Variants in EDIL3 observed in about 807,000 individuals in gnomAD.
The protein encoded by EDIL3 is EGF like and discoidin domains 3.
Under a neutral mutation model 67.4 loss-of-function variants are expected in EDIL3, and 37 were observed. The observed-to-expected ratio is 0.55, with a 90% CI of 0.42 to 0.72. EDIL3 has a LOEUF of 0.72. EDIL3 is among the 30% of genes least tolerant of loss of function. The probability of loss-of-function intolerance (pLI) is 0.00; values close to 1 mark genes in which losing one functional copy is unlikely to be tolerated. For synonymous variants in EDIL3, 195 were observed against 196.3 expected, an observed-to-expected ratio of 0.99 and a Z score of 0.05; for missense variants, 527 against 586.3, an observed-to-expected ratio of 0.90 and a Z score of 1.04.
chr5:84,076,548 T>C (rs148497108), intron 6 of EDIL3, among the ~76,000 whole-genome samples: 23 of 152,304 alleles, frequency 1.5e-4, no homozygotes, highest in East Asian at 7.7e-4. Flanking sequence ...CCGAGCTACG[T>C]AGATTTTCTA....
chr5:84,379,705 G>A (rs183722471), intron 1 of EDIL3, among the ~76,000 whole-genome samples: 1 of 152,052 alleles, frequency 6.6e-6, no homozygotes, highest in Non-Finnish European at 1.5e-5. Context: ...GTGTGCACTT[G>A]AATGTCTGTG....
intron 3 of EDIL3, among the ~76,000 whole-genome samples, chr5:84,210,607 A>T (rs1744100015): frequency 6.6e-6 from 1 of 152,298 alleles, no homozygotes; most frequent in Non-Finnish European, 1.5e-5. Context: ...ATAAGTTTAA[A>T]GTAATATAAA....
intron 4 of EDIL3, among the ~76,000 whole-genome samples, chr5:84,164,628 C>A (rs1326403045): frequency 6.6e-6 from 1 of 151,972 alleles, no homozygotes; most frequent in Non-Finnish European, 1.5e-5. Flanking sequence ...GGTAGTCAAA[C>A]CATAAACAAG....
At chr5:84,034,826 T>C (rs998382363) in intron 9 of EDIL3, among the ~76,000 whole-genome samples, 2 of 152,176 alleles carry the variant, frequency 1.3e-5, no homozygotes, top group Non-Finnish European at 2.9e-5. Flanking sequence ...TTTGGTATTT[T>C]ACCTCCTCAC....
At chr5:84,300,080 T>C (rs1746125918) in intron 1 of EDIL3, among the ~76,000 whole-genome samples, 1 of 152,230 alleles carries the variant, frequency 6.6e-6, no homozygotes. Context: ...TCTATAGGCT[T>C]GACGTTTGGC....
At chr5:84,241,148 G>A (rs1210679508) in intron 2 of EDIL3, among the ~76,000 whole-genome samples, 1 of 152,092 alleles carries the variant, frequency 6.6e-6, no homozygotes, top group African/African-American at 2.4e-5. Flanking sequence ...AATGATTACT[G>A]ATATGCCTGT....
At chr5:84,282,826 C>T (rs1049798225) in intron 1 of EDIL3, among the ~76,000 whole-genome samples, 8 of 151,996 alleles carry the variant, frequency 5.3e-5, no homozygotes, top group Non-Finnish European at 8.8e-5. Context: ...TTCTGTTCAG[C>T]TTTCTTTTTT....
chr5:83,948,423 T>C (rs1744352350), intron 10 of EDIL3, among the ~76,000 whole-genome samples: 1 of 151,730 alleles, frequency 6.6e-6, no homozygotes, highest in South Asian at 2.1e-4. Context: ...TTATGAAAAT[T>C]TTCACGGAAT....
At chr5:84,294,318 G>C (rs1194476868) in intron 1 of EDIL3, among the ~76,000 whole-genome samples, 2 of 148,302 alleles carry the variant, frequency 1.3e-5, no homozygotes, top group East Asian at 4.0e-4. Flanking sequence ...CCGGGAGGTG[G>C]AGCTTTCAGT....
chr5:84,333,557 G>A (rs1332938340), intron 1 of EDIL3, among the ~76,000 whole-genome samples: 1 of 152,126 alleles, frequency 6.6e-6, no homozygotes, highest in Non-Finnish European at 1.5e-5. Context: ...AACAGGAGAC[G>A]AGGTATATTT....
chr5:84,166,562 T>C (rs1387940967), intron 4 of EDIL3, among the ~76,000 whole-genome samples: 1 of 152,162 alleles, frequency 6.6e-6, no homozygotes, highest in Non-Finnish European at 1.5e-5. Flanking sequence ...CAGCAAAATG[T>C]AAACAAATCA....
chr5:84,382,302 C>T (rs911335309), intron 1 of EDIL3, among the ~76,000 whole-genome samples: 1 of 152,170 alleles, frequency 6.6e-6, no homozygotes, highest in African/African-American at 2.4e-5. Context: ...GCTTGTCTGG[C>T]GGAGTAAGCT....
intron 9 of EDIL3, among the ~76,000 whole-genome samples, chr5:84,021,034 C>G (rs1257201526): frequency 6.6e-6 from 1 of 151,896 alleles, no homozygotes; most frequent in Non-Finnish European, 1.5e-5. Flanking sequence ...AAGAAAATGT[C>G]CAATCGAAAA....
chr5:83,981,674 T>C (rs1304911753), intron 9 of EDIL3, among the ~76,000 whole-genome samples: 3 of 152,068 alleles, frequency 2.0e-5, no homozygotes, highest in Non-Finnish European at 4.4e-5. Context: ...TTTTAAACAA[T>C]TCTGCTACCC....
chr5:84,148,300 G>C (rs1033622075), intron 4 of EDIL3, among the ~76,000 whole-genome samples: 1 of 151,936 alleles, frequency 6.6e-6, no homozygotes, highest in East Asian at 1.9e-4. Context: ...TAAATAAATG[G>C]GTAGAATTTT....
At chr5:84,170,137 CA>C (rs1748788262) in intron 4 of EDIL3, among the ~76,000 whole-genome samples, 1 of 152,160 alleles carries the variant, frequency 6.6e-6, no homozygotes, top group Admixed American at 6.5e-5. Context: ...GCTGCCTTTA[CA>C]GGAGAAATGA....
At chr5:84,252,058 A>C (rs1745032817) in intron 2 of EDIL3, among the ~76,000 whole-genome samples, 1 of 152,338 alleles carries the variant, frequency 6.6e-6, no homozygotes. Flanking sequence ...AATTTCCCAA[A>C]GTCACACTGA....
At chr5:84,154,769 G>A (rs1232709453) in intron 4 of EDIL3, among the ~76,000 whole-genome samples, 1 of 143,974 alleles carries the variant, frequency 6.9e-6, no homozygotes, top group Non-Finnish European at 1.5e-5. Flanking sequence ...GCCGGATCTC[G>A]GCTCACCGCA....
intron 1 of EDIL3, among the ~76,000 whole-genome samples, chr5:84,361,976 G>T (rs1488393441): frequency 2.0e-5 from 3 of 151,918 alleles, no homozygotes; most frequent in Non-Finnish European, 4.4e-5. Context: ...TCTGCATGTG[G>T]CTTCATAGAT....
Sources: gnomAD v4.1 joint callset for allele counts (sites outside exome capture counted in the v4.1 genomes callset) on GRCh38, gnomAD v4.1.1 for gene constraint, MANE v1.5 for transcripts, NCBI Gene and HGNC (gene_info 2026-07-23, HGNC 2026-07-21) for gene names.